Variants in SIGLEC1 observed in about 807,000 individuals in gnomAD.
SIGLEC1 encodes sialoadhesin.
Under a neutral mutation model 148.0 loss-of-function variants are expected in SIGLEC1, and 132 were observed. The ratio of observed to expected loss-of-function variants is 0.89; its 90% CI spans 0.77 to 1.03. The LOEUF is 1.03. Ranked by LOEUF, SIGLEC1 falls within the 50% of genes least tolerant of loss-of-function variation. The pLI, the probability that SIGLEC1 is intolerant of heterozygous loss-of-function variation, is 0.00. For missense variants in SIGLEC1, 2,253 were observed against 2,271.4 expected (o/e 0.99, Z 0.16); for synonymous variants, 945 against 969.0 (o/e 0.98, Z 0.46).
At position 3,704,080 on chromosome 20, in the gene SIGLEC1, C is replaced by T; in HGVS notation, c.718G>A (p.Gly240Ser). Residue 240 changes from glycine (G) to serine (S), a missense_variant, in exon 5 of 22, where the codon GGT becomes AGT. By Grantham distance (56) the Gly-to-Ser change is moderately conservative. Transcript: ENST00000344754. Reference sequence around the variant, plus strand: ...GAGGGGCTGAGGAGGATCTTCACACCCTTGGGGGCATCTGCAAGTCACAGT... The same window carrying T: ...GAGGGGCTGAGGAGGATCTTCACACTCTTGGGGGCATCTGCAAGTCACAGT... Reference protein sequence around the residue: ...IHLQVKYAPKGVKILLSPSGR... With the variant: ...IHLQVKYAPKSVKILLSPSGR... The T allele has an allele frequency of 6.2e-7, 1 of 1,612,356 alleles. No individual in the cohort carries two copies. Among genetic ancestry groups the T allele is most frequent in the South Asian group, 1.1e-5 (1 of 90,996 alleles).
In SIGLEC1 at chr20:3,693,630, C is replaced by A. The variant is rs748962316; in HGVS notation, c.3325G>T (p.Val1109Leu). The part of the protein sequence containing the change: ...EGQLVNLTCL[V>L]WTTHPAQLTY... The stretch of plus-strand genomic sequence containing the variant: ...AGCTGGGCCGGGTGAGTGGTCCACA[C>A]AAGGCAGGTCAGGTTCACCAGCTGC... Residue 1109 changes from valine to leucine, a missense_variant, in exon 14 of 22, where the codon GTG becomes TTG. Coordinates refer to ENST00000344754, the MANE Select transcript of SIGLEC1 (RefSeq NM_023068.4). The A allele has an allele frequency of 1.9e-6, 3 of 1,612,036 alleles. No homozygotes were observed. The highest frequency in any genetic ancestry group is 2.5e-6 in the Non-Finnish European group (3 of 1,179,236).
At chr20:3,706,847 C>A in intron 2 of SIGLEC1, 141 bp from the exon 3 acceptor site, 1 of 1,126,724 alleles carries the variant, frequency 8.9e-7, no homozygotes. Context: ...ACACTTAGAG[C>A]AGCCCTTCTC....
intron 13 of SIGLEC1, 91 bp downstream of exon 13, chr20:3,694,130 C>A: frequency 7.2e-7 from 1 of 1,383,498 alleles, no homozygotes; most frequent in South Asian, 1.4e-5. Flanking sequence ...TCCCGTGCCC[C>A]CAGGCTTCTA....
At position 3,687,022 on chromosome 20, in the gene SIGLEC1, C is replaced by A. The variant is rs1192680136; in HGVS notation, c.*1538G>T. On this transcript the variant is annotated 3_prime_UTR_variant, in exon 22 of 22. Transcript: ENST00000344754. ...GAGGACATTCTGGACGGGCTCCCAG[C>A]AAGAGTCTGGCAATGGAGCATGAAA... 6.6e-6 allele frequency: 1 copy of A among 152,148 alleles called. No individual in the cohort carries two copies. The highest frequency in any genetic ancestry group is 1.9e-4 in the East Asian group (1 of 5,200). The allele number at this position is 152,148 out of a possible 1,614,324, so 9.4% of individuals were successfully genotyped here. A position where few individuals can be genotyped will look rare whatever the true frequency, so the allele number is the denominator to read the frequency against.
rs184850237 is a variant in SIGLEC1 at position 3,696,273 on chromosome 20, A to T, written c.2683+313T>A. On this transcript the variant is annotated intron_variant, in intron 11 of 21. Transcript: ENST00000344754. ...TACATAAACATATATGCATAATATA[A>T]ATATACATATGTATGAGAATGTTTA... 2.2e-4 allele frequency among the ~76,000 whole-genome samples: 33 copies of T among 152,302 alleles called. No homozygotes were observed. The East Asian group carries it at 6.4e-3, about 29-fold the overall frequency.
chr20:3,695,832 T>A (rs1404053278), intron 11 of SIGLEC1, among the ~76,000 whole-genome samples: 1 of 137,458 alleles, frequency 7.3e-6, no homozygotes, highest in Non-Finnish European at 1.6e-5. Context: ...TTTTTTTTTT[T>A]AAGACAGAGT....
chr20:3,691,656 C>T (rs2088764797), intron 17 of SIGLEC1, 56 bp from the exon 18 acceptor site: 27 of 1,581,612 alleles, frequency 1.7e-5, no homozygotes, highest in Admixed American at 6.8e-5. Flanking sequence ...GGGGCTGGAG[C>T]CTCTGGGTGG....
chr20:3,693,731 G>C (rs747805640), intron 13 of SIGLEC1, 33 bp from the exon 14 acceptor site: 1 of 1,542,356 alleles, frequency 6.5e-7, no homozygotes, highest in South Asian at 1.3e-5. Context: ...ACACCAGTGA[G>C]GGTCTTGAGG....
At position 3,712,514 on chromosome 20, in the gene SIGLEC1, AGAG is replaced by A. The variant is rs1183168712; in HGVS notation, c.-157_-155del. Among the ~76,000 whole-genome samples, 1 of 152,002 alleles carries A rather than the reference AGAG, an allele frequency of 6.6e-6. No individual in the cohort carries two copies. The highest frequency in any genetic ancestry group is 1.9e-4 in the East Asian group (1 of 5,166). On this transcript the variant is annotated 5_prime_UTR_variant, in exon 1 of 22. Transcript: ENST00000344754. ...GGCTGCGGCGGTGCTGGACCTGCGG[AGAG>A]GAGAACAGGAAGGACGGCCAAGAGC...
At chr20:3,689,739 G>T in intron 19 of SIGLEC1, 37 bp from the exon 20 acceptor site, 1 of 1,524,258 alleles carries the variant, frequency 6.6e-7, no homozygotes, top group Non-Finnish European at 8.9e-7. Flanking sequence ...AGCCACAGCT[G>T]CAGGCCCCCA....
chr20:3,691,562 C>G lies in SIGLEC1; in HGVS notation c.4369G>C (p.Glu1457Gln), dbSNP rs765002728. The G allele has an allele frequency of 1.4e-5, 22 of 1,612,786 alleles. No individual in the cohort carries two copies. The highest frequency in any genetic ancestry group is 1.9e-5 in the Non-Finnish European group (22 of 1,179,950). Residue 1457 changes from glutamate (E) to glutamine (Q), a missense_variant, in exon 18 of 22, where the codon GAG becomes CAG. By Grantham distance (29) the Glu-to-Gln change is conservative. Transcript: ENST00000344754. ...VVAEPGLDVP[E>Q]GAALNLSCRL... ...CAGCTGAGGTTCAGGGCAGCGCCCT[C>G]AGGCACGTCCAGGCCAGGCTCTGCC...
Position 3,688,609 on chromosome 20 carries a change from G to A in SIGLEC1, c.5081C>T (p.Pro1694Leu). ...FQKETTQLID[P>L]DAATCETSTC... ...TGAGGTCTCACATGTGGCTGCATCA[G>A]GATCAATGAGCTTCCCACAGAGAAA... Residue 1694 changes from proline (P) to leucine (L), a missense_variant, in exon 22 of 22, where the codon CCT becomes CTT. Transcript: ENST00000344754. 1.3e-6 allele frequency: 2 copies of A among 1,598,876 alleles called. No homozygotes were observed. The highest frequency in any genetic ancestry group is 1.7e-6 in the Non-Finnish European group (2 of 1,172,210).
Position 3,689,998 on chromosome 20 carries a change from C to A in SIGLEC1, c.4858G>T (p.Gly1620Cys). The A allele has an allele frequency of 6.2e-7, 1 of 1,613,086 alleles. No individual in the cohort carries two copies. Among genetic ancestry groups the A allele is most frequent in the Non-Finnish European group, 8.5e-7 (1 of 1,179,856 alleles). The change falls in exon 19 of 22, where the codon GGC (glycine) becomes TGC (cysteine). Residue 1620 changes from glycine to cysteine, a missense_variant. Coordinates refer to ENST00000344754, the MANE Select transcript of SIGLEC1 (RefSeq NM_023068.4). ...EYICSASNVLGSASTSTYFGV... is the reference protein window; with the variant it reads ...EYICSASNVLCSASTSTYFGV... ...AAGTAGGTGGAGGTAGAGGCAGAGC[C>A]CAGGACATTTGAGGCAGAACAGATG...
At chr20:3,707,771 C>T (rs1308965610) in intron 1 of SIGLEC1, among the ~76,000 whole-genome samples, 2 of 152,226 alleles carry the variant, frequency 1.3e-5, no homozygotes, top group East Asian at 3.8e-4. Context: ...CAGCTCTGTC[C>T]CCATTCCCTG....
Position 3,704,020 on chromosome 20 carries a change from G to A in SIGLEC1, c.778C>T (p.Leu260Phe), listed in dbSNP as rs766109508. ...TAGCTGCTGTTCACCTGGCAGGTGA[G>A]TGTGACCAGCTCACCTGGAAGGATG... The part of the protein sequence containing the change: ...RNILPGELVT[L>F]TCQVNSSYPA... The change falls in exon 5 of 22, where the codon CTC (leucine) becomes TTC (phenylalanine). Residue 260 changes from leucine (L) to phenylalanine (F), a missense_variant. By Grantham distance (22) the Leu-to-Phe change is conservative (BLOSUM62 0). Coordinates refer to ENST00000344754, the MANE Select transcript of SIGLEC1 (RefSeq NM_023068.4). 3 of 1,613,574 alleles carry A rather than the reference G, an allele frequency of 1.9e-6. No homozygotes were observed. Among genetic ancestry groups the A allele is most frequent in the South Asian group, 1.1e-5 (1 of 91,040 alleles).
intron 11 of SIGLEC1, among the ~76,000 whole-genome samples, chr20:3,695,644 T>A (rs925498582): frequency 6.6e-6 from 1 of 152,152 alleles, no homozygotes; most frequent in African/African-American, 2.4e-5. Flanking sequence ...ACCTTCAATT[T>A]CTTCCTGCGA....
In SIGLEC1 at chr20:3,705,981, C is replaced by T; in HGVS notation, c.469G>A (p.Asp157Asn). The T allele has an allele frequency of 1.2e-6, 2 of 1,614,026 alleles. No homozygotes were observed. Among genetic ancestry groups the T allele is most frequent in the South Asian group, 1.1e-5 (1 of 91,086 alleles). Reference protein sequence around the residue: ...PVELLEGTEVDFNCSTPYVCL... With the variant: ...PVELLEGTEVNFNCSTPYVCL... The stretch of plus-strand genomic sequence containing the variant: ...ACGTAGGGAGTGGAGCAGTTGAAGT[C>T]CACCTCTGTGCCCTCGAGAAGCTCC... Residue 157 changes from aspartate to asparagine, a missense_variant, in exon 4 of 22, where the codon GAC becomes AAC. Transcript: ENST00000344754.
chr20:3,694,564 C>G (rs572365325), intron 12 of SIGLEC1, 32 bp from the exon 13 acceptor site: 1 of 1,555,748 alleles, frequency 6.4e-7, no homozygotes, highest in South Asian at 1.2e-5. Flanking sequence ...CAGGACCCAG[C>G]CAGGGGGGTC....
rs2088802519 is a variant in SIGLEC1 at position 3,694,488 on chromosome 20, G to A, written c.2989C>T (p.Pro997Ser). ...CACAGGAGGAGGCCCAGTCGTCCAG[G>A]GCCTGTGTCCATCAGGGTAGTGAGT... is the stretch of plus-strand genomic sequence containing the variant. ...VTLTTLMDTG[P>S]GRLGLLLCRV... Residue 997 changes from proline to serine, a missense_variant, in exon 13 of 22, where the codon CCT becomes TCT. Transcript: ENST00000344754. The A allele has an allele frequency of 1.3e-6, 2 of 1,589,822 alleles. No homozygotes were observed. The highest frequency in any genetic ancestry group is 8.6e-7 in the Non-Finnish European group (1 of 1,165,808).
Sources: gnomAD v4.1 joint callset for allele counts (sites outside exome capture counted in the v4.1 genomes callset) on GRCh38, gnomAD v4.1.1 for gene constraint, MANE v1.5 for transcripts, NCBI Gene and HGNC (gene_info 2026-07-23, HGNC 2026-07-21) for gene names.